The following WDR62 variants were observed in gnomAD, a reference collection of about 807,000 sequenced individuals.
WDR62 encodes the protein WD repeat-containing protein 62.
WDR62 carries 112 observed loss-of-function variants against 160.6 expected under a neutral mutation model. The observed-to-expected ratio is 0.70, with a 90% CI of 0.60 to 0.82. WDR62 has a LOEUF of 0.82. Ranked by LOEUF, WDR62 falls within the 40% of genes least tolerant of loss-of-function variation. The pLI, the probability that WDR62 is intolerant of heterozygous loss-of-function variation, is 0.00. For synonymous variants in WDR62, 792 were observed against 815.1 expected (o/e 0.97, Z 0.48); for missense variants, 1,819 against 1,983.8 (o/e 0.92, Z 1.58).
Position 36,076,957 on chromosome 19 carries a change from A to G in WDR62, c.1233+3426A>G, listed in dbSNP as rs561926345. ...GGAATGGGGAATTATATATGTGTGT[A>G]TATATGTATGTGTGTGTGTGTATAT... On this transcript the variant is annotated intron_variant, in intron 9 of 31. Coordinates refer to ENST00000401500, the MANE Select transcript of WDR62 (RefSeq NM_001083961.2). Among the ~76,000 whole-genome samples, 9 of 152,150 alleles carry G rather than the reference A, an allele frequency of 5.9e-5. No homozygotes were observed. The East Asian group carries it at 1.5e-3, about 26-fold the overall frequency.
At chr19:36,091,554 C>G in intron 18 of WDR62, 89 bp downstream of exon 18, 1 of 1,324,152 alleles carries the variant, frequency 7.6e-7, no homozygotes, top group Non-Finnish European at 1.1e-6. Context: ...TCTAAACTGC[C>G]CAGTTTGGAT....
chr19:36,062,796 C>T (rs1187222721), intron 3 of WDR62: 1 of 152,072 alleles, frequency 6.6e-6, no homozygotes, highest in Non-Finnish European at 1.5e-5. Context: ...CATCCACTCC[C>T]CAGAGGGCAC....
In WDR62 at chr19:36,092,701, C is replaced by A. The variant is rs780573921; in HGVS notation, c.2223C>A (p.Ile741=). ...TTGACCTCCGCAGCTGCGTGTTCAT[C>A]TGGCACCTGGGCCCGGAGATCACCA... ...ITVSGDSCVF[I]WHLGPEITNC... Residue 741 remains isoleucine (I), a synonymous_variant, in exon 19 of 32, where the codon ATC becomes ATA. Transcript: ENST00000401500. 6.2e-7 allele frequency: 1 copy of A among 1,614,218 alleles called. No homozygotes were observed. The highest frequency in any genetic ancestry group is 8.5e-7 in the Non-Finnish European group (1 of 1,180,030).
chr19:36,094,202 AG>A, intron 20 of WDR62, 38 bp downstream of exon 20: 1 of 1,609,004 alleles, frequency 6.2e-7, no homozygotes, highest in African/African-American at 1.3e-5. Context: ...ATGTCAGTGT[AG>A]GGAATCATTG....
At chr19:36,064,452 T>A (rs973919205) in intron 3 of WDR62, among the ~76,000 whole-genome samples, 21 of 152,032 alleles carry the variant, frequency 1.4e-4, no homozygotes, top group Non-Finnish European at 2.9e-4. Context: ...ATTTTGTTTT[T>A]GTATTTTTAG....
In WDR62 at chr19:36,104,987, C is replaced by T. The variant is rs757641653; in HGVS notation, c.4531C>T (p.Leu1511=). Residue 1511 remains leucine (L), a synonymous_variant, in exon 32 of 32, where the codon CTG becomes TTG. Coordinates refer to ENST00000401500, the MANE Select transcript of WDR62 (RefSeq NM_001083961.2). Reference sequence around the variant, plus strand: ...GGCCCTGCTGGAACACTACTCGGAGCTGCTGGTGCAGGCCGTGCGGAGGAA... The same window carrying T: ...GGCCCTGCTGGAACACTACTCGGAGTTGCTGGTGCAGGCCGTGCGGAGGAA... ...LQALLEHYSE[L]LVQAVRRKAR... is the part of the protein sequence containing the mutation. The T allele has an allele frequency of 1.2e-5, 19 of 1,603,538 alleles. No individual in the cohort carries two copies. Among genetic ancestry groups the T allele is most frequent in the Non-Finnish European group, 1.4e-5 (17 of 1,177,692 alleles).
rs542161054 is a variant in WDR62, at chr19:36,100,677, A to G, written c.2740-71A>G. The G allele has an allele frequency of 1.8e-5, 29 of 1,606,046 alleles. No homozygotes were observed. The South Asian group carries it at 3.0e-4, about 17-fold the overall frequency. On this transcript the variant is annotated intron_variant, in intron 22 of 31. Coordinates refer to ENST00000401500, the MANE Select transcript of WDR62 (RefSeq NM_001083961.2). ...AGCCTCCAGCAGTGGGGCTGCTGGC[A>G]TGGTTCCTGGCGCACTGTTGGTGGC...
At chr19:36,105,442 C>T (rs1485456501), downstream of WDR62, among the ~76,000 whole-genome samples, 1 of 151,998 alleles carries the variant, frequency 6.6e-6, no homozygotes. Flanking sequence ...CAGCAGTCCA[C>T]GCTTTGCCAT....
In WDR62 at chr19:36,064,847, TG is replaced by T. The variant is rs1599755481; in HGVS notation, c.333-1108del. Among the ~76,000 whole-genome samples the T allele has an allele frequency of 2.0e-5, 3 of 152,344 alleles. No individual in the cohort carries two copies. The East Asian group carries it at 5.8e-4, about 29-fold the overall frequency. Reference sequence around the variant, plus strand: ...CCCACCCCTCTGCCTCCCAAAGTGCTGGGATTACAGGCGTGAGGCACCGCAC... The same window carrying T: ...CCCACCCCTCTGCCTCCCAAAGTGCTGGATTACAGGCGTGAGGCACCGCAC... On this transcript the variant is annotated intron_variant, in intron 3 of 31. Coordinates refer to ENST00000401500, the MANE Select transcript of WDR62 (RefSeq NM_001083961.2).
At chr19:36,066,890 G>A (rs557122554) in intron 5 of WDR62, among the ~76,000 whole-genome samples, 14 of 152,278 alleles carry the variant, frequency 9.2e-5, no homozygotes, top group Non-Finnish European at 1.3e-4. Context: ...GGGGAGAAGC[G>A]CCTCCCTCGT....
chr19:36,055,288 C>T (rs910634120), intron 1 of WDR62, 140 bp downstream of exon 1: 32 of 866,964 alleles, frequency 3.7e-5, no homozygotes, highest in Non-Finnish European at 5.4e-5. Flanking sequence ...TCCCCTAACC[C>T]CCGCCCCTTT....
rs1970282685 is a variant in WDR62, at chr19:36,055,117, C to T, written c.146C>T (p.Ser49Leu). ...PICLRRRTRLSTASEETVQNR... is the reference protein window; with the variant it reads ...PICLRRRTRLLTASEETVQNR... ...TGCCTACGGCGGCGGACGCGACTCT[C>T]GACGGCCTCCGAGGAGACGGTGCAG... Residue 49 changes from serine to leucine, a missense_variant, in exon 1 of 32, where the codon TCG becomes TTG. By Grantham distance (145) the Ser-to-Leu change is moderately radical (BLOSUM62 -2). Transcript: ENST00000401500. The T allele has an allele frequency of 1.9e-6, 3 of 1,607,444 alleles. No individual in the cohort carries two copies. Among genetic ancestry groups the T allele is most frequent in the Non-Finnish European group, 2.5e-6 (3 of 1,177,992 alleles).
chr19:36,091,474 T>A lies in WDR62; in HGVS notation c.2210+9T>A. On this transcript the variant is annotated intron_variant, in intron 18 of 31. Coordinates refer to ENST00000401500, the MANE Select transcript of WDR62 (RefSeq NM_001083961.2). ...ACAGTATCTGGAGACAGGTGGGACA[T>A]GGACCTTTGGGAGAGTTGTGGCTCA... 6.2e-7 allele frequency: 1 copy of A among 1,613,594 alleles called. No homozygotes were observed. The highest frequency in any genetic ancestry group is 8.5e-7 in the Non-Finnish European group (1 of 1,179,646).
At chr19:36,085,075 T>G (rs1972131542) in intron 12 of WDR62, among the ~76,000 whole-genome samples, 1 of 152,162 alleles carries the variant, frequency 6.6e-6, no homozygotes, top group African/African-American at 2.4e-5. Flanking sequence ...TATAGAAATA[T>G]TGGGAGAATA....
chr19:36,102,230 C>G, intron 26 of WDR62, 79 bp downstream of exon 26: 2 of 1,602,028 alleles, frequency 1.2e-6, no homozygotes, highest in Non-Finnish European at 1.7e-6. Flanking sequence ...GGAGTTGGCT[C>G]CCCAGCAGGG....
Position 36,084,882 on chromosome 19 carries a change from G to A in WDR62, c.1642+138G>A, listed in dbSNP as rs568711188. 7.6e-6 allele frequency: 6 copies of A among 787,400 alleles called. No individual in the cohort carries two copies. The South Asian group carries it at 9.0e-5, about 12-fold the overall frequency. 48.8% of individuals were successfully genotyped at this position (787,400 alleles called of 1,614,324 possible). On this transcript the variant is annotated intron_variant, in intron 12 of 31. Transcript: ENST00000401500. ...TTTGTGTTCGGTAAGGGCCCCTGTA[G>A]CTGGACCCTGAGACCAGAGTGGCTG...
chr19:36,099,644 C>G (rs753712822), intron 22 of WDR62, 27 bp downstream of exon 22: 4 of 1,611,164 alleles, frequency 2.5e-6, no homozygotes, highest in East Asian at 2.2e-5. Context: ...CAGCCTGGCC[C>G]ATAGCCCCGG....
rs1970936342 is a variant in WDR62 at position 36,066,312 on chromosome 19, C to T, written c.446C>T (p.Ala149Val). The stretch of plus-strand genomic sequence containing the variant: ...GATGTGGAGGAGAAGAATCAGGTGG[C>T]GGAGATGCTAGGCCACAAGTATGGT... ...IWDVEEKNQV[A>V]EMLGHKYGVA... The change falls in exon 5 of 32, where the codon GCG becomes GTG. Residue 149 changes from alanine to valine, a missense_variant. Coordinates refer to ENST00000401500, the MANE Select transcript of WDR62 (RefSeq NM_001083961.2). 1.2e-6 allele frequency: 2 copies of T among 1,614,208 alleles called. No individual in the cohort carries two copies. The highest frequency in any genetic ancestry group is 1.7e-4 in the Middle Eastern group (1 of 6,060).
At position 36,105,022 on chromosome 19, in the gene WDR62, G is replaced by T; in HGVS notation, c.4566G>T (p.Gly1522=). 1 of 1,597,844 alleles carries T rather than the reference G, an allele frequency of 6.3e-7. No homozygotes were observed. The change falls in exon 32 of 32, where the codon GGG becomes GGT. Residue 1522 remains glycine (G), a synonymous_variant. Transcript: ENST00000401500. The stretch of plus-strand genomic sequence containing the variant: ...AGGCCGTGCGGAGGAAGGCACGGGG[G>T]CACTGAGGGCGCAGCCCCTCCACCG... ...LVQAVRRKAR[G]H is the part of the protein sequence containing the mutation.
Sources: allele counts gnomAD v4.1 joint callset (sites outside exome capture counted in the v4.1 genomes callset), GRCh38; gene constraint gnomAD v4.1.1; transcripts MANE v1.5; gene names NCBI Gene and HGNC (gene_info 2026-07-23, HGNC 2026-07-21).